RALGAPA2: variants seen among roughly 807,000 people sequenced by gnomAD.
The protein encoded by RALGAPA2 is ral GTPase-activating protein subunit alpha-2.
In RALGAPA2, 139 loss-of-function variants were observed where a neutral mutation model predicts 230.4. The observed-to-expected ratio is 0.60, with a 90% CI of 0.53 to 0.69. RALGAPA2 has a LOEUF of 0.69. RALGAPA2 is among the 30% of genes least tolerant of loss of function. RALGAPA2 has a pLI of 0.00. For synonymous variants in RALGAPA2, 847 were observed against 837.8 expected (o/e 1.01, Z -0.19); for missense variants, 2,163 against 2,276.0 (o/e 0.95, Z 1.01).
At chr20:20,429,170 T>C (rs1188452727) in intron 37 of RALGAPA2, among the ~76,000 whole-genome samples, 1 of 152,142 alleles carries the variant, frequency 6.6e-6, no homozygotes, top group Non-Finnish European at 1.5e-5. Flanking sequence ...GCAACAAAAG[T>C]GATGCTCTGA....
intron 37 of RALGAPA2, among the ~76,000 whole-genome samples, chr20:20,447,237 G>T (rs576573813): frequency 6.6e-6 from 1 of 152,176 alleles, no homozygotes; most frequent in Non-Finnish European, 1.5e-5. Context: ...CAAGCAATTC[G>T]AAAGTTTCCC....
chr20:20,645,692 T>G (rs955479179), intron 4 of RALGAPA2, among the ~76,000 whole-genome samples: 1 of 152,206 alleles, frequency 6.6e-6, no homozygotes, highest in Admixed American at 6.5e-5. Context: ...CAGTTATAAG[T>G]CAGATTCAGA....
At chr20:20,489,554 T>C (rs747909728) in intron 36 of RALGAPA2, among the ~76,000 whole-genome samples, 15 of 149,832 alleles carry the variant, frequency 1.0e-4, no homozygotes, top group Non-Finnish European at 2.1e-4. Context: ...GGAGTTGTAA[T>C]GAAAGTATTC....
chr20:20,479,434 AAT>A (rs2123455564), intron 36 of RALGAPA2, among the ~76,000 whole-genome samples: 1 of 152,346 alleles, frequency 6.6e-6, no homozygotes, highest in East Asian at 1.9e-4. Flanking sequence ...CAAAAATAAC[AAT>A]ATCATGACCA....
At chr20:20,634,386 A>C (rs962894435) in intron 9 of RALGAPA2, among the ~76,000 whole-genome samples, 7 of 152,164 alleles carry the variant, frequency 4.6e-5, no homozygotes, top group African/African-American at 1.4e-4. Flanking sequence ...TTTTAAACTA[A>C]GACATTTAAA....
At chr20:20,567,792 T>C (rs1044521494) in intron 23 of RALGAPA2, among the ~76,000 whole-genome samples, 6 of 150,768 alleles carry the variant, frequency 4.0e-5, no homozygotes, top group African/African-American at 1.2e-4. Flanking sequence ...CAGTGAGCTA[T>C]GATTGTGTCA....
chr20:20,642,341 G>A (rs973355407), intron 5 of RALGAPA2, among the ~76,000 whole-genome samples: 1 of 152,058 alleles, frequency 6.6e-6, no homozygotes, highest in African/African-American at 2.4e-5. Flanking sequence ...CTCCCGAGTA[G>A]CTGAGACTAT....
intron 2 of RALGAPA2, among the ~76,000 whole-genome samples, chr20:20,679,496 C>T (rs1182717274): frequency 6.6e-6 from 1 of 152,208 alleles, no homozygotes; most frequent in Non-Finnish European, 1.5e-5. Context: ...GTAACAAACA[C>T]TTTCAAGAGC....
At chr20:20,591,044 C>A in intron 17 of RALGAPA2, 133 bp downstream of exon 17, 1 of 1,084,522 alleles carries the variant, frequency 9.2e-7, no homozygotes. Flanking sequence ...TCACATCCTT[C>A]TAATCAAATT....
intron 37 of RALGAPA2, among the ~76,000 whole-genome samples, chr20:20,418,278 T>C (rs2060206315): frequency 6.6e-6 from 1 of 152,196 alleles, no homozygotes; most frequent in South Asian, 2.1e-4. Flanking sequence ...TCAGGGATTA[T>C]GAGAATTACA....
intron 1 of RALGAPA2, among the ~76,000 whole-genome samples, chr20:20,703,281 G>A (rs1277585051): frequency 1.3e-5 from 2 of 152,018 alleles, no homozygotes; most frequent in African/African-American, 4.8e-5. Context: ...TGAAAATTAA[G>A]GCTAAAACCC....
intron 2 of RALGAPA2, 57 bp from the exon 3 acceptor site, chr20:20,676,345 C>T: frequency 2.5e-6 from 3 of 1,195,142 alleles, no homozygotes; most frequent in Non-Finnish European, 3.6e-6. Context: ...CAGGACACTA[C>T]AAATTATGCT....
intron 37 of RALGAPA2, among the ~76,000 whole-genome samples, chr20:20,431,075 T>G (rs2060491806): frequency 6.6e-6 from 1 of 152,104 alleles, no homozygotes. Flanking sequence ...GTTGGGGGCT[T>G]TGTGGAGCGA....
chr20:20,579,866 T>C (rs1022194456), intron 20 of RALGAPA2, among the ~76,000 whole-genome samples: 2 of 152,176 alleles, frequency 1.3e-5, no homozygotes, highest in Non-Finnish European at 1.5e-5. Flanking sequence ...TCATATATCA[T>C]GATTCCATGT....
intron 36 of RALGAPA2, among the ~76,000 whole-genome samples, chr20:20,488,377 G>A (rs891767902): frequency 6.6e-6 from 1 of 152,172 alleles, no homozygotes; most frequent in Admixed American, 6.5e-5. Flanking sequence ...TCTCAGATTT[G>A]CCCACACTAA....
chr20:20,541,055 G>GC (rs1263646303), intron 24 of RALGAPA2, among the ~76,000 whole-genome samples: 1 of 75,318 alleles, frequency 1.3e-5, no homozygotes, highest in African/African-American at 5.4e-5. Context: ...AAAGTCAGGA[G>GC]AATTTTTTTT....
At chr20:20,577,262 A>C (rs1033471686) in intron 20 of RALGAPA2, among the ~76,000 whole-genome samples, 2 of 152,172 alleles carry the variant, frequency 1.3e-5, no homozygotes, top group African/African-American at 2.4e-5. Context: ...CAAGAAAAAA[A>C]TGAAACTGAA....
chr20:20,622,588 T>A (rs141393715), intron 10 of RALGAPA2, among the ~76,000 whole-genome samples: 187 of 152,264 alleles, frequency 1.2e-3, no homozygotes, highest in African/African-American at 4.2e-3. Flanking sequence ...AATTTAGAAT[T>A]TGACACCCAG....
intron 6 of RALGAPA2, among the ~76,000 whole-genome samples, chr20:20,640,397 C>T (rs1478492551): frequency 1.3e-5 from 2 of 152,188 alleles, no homozygotes; most frequent in Admixed American, 6.5e-5. Flanking sequence ...AGTTTAATCT[C>T]ATTAACAGCC....
Sources: gnomAD v4.1 joint callset for allele counts (sites outside exome capture counted in the v4.1 genomes callset) on GRCh38, gnomAD v4.1.1 for gene constraint, MANE v1.5 for transcripts, NCBI Gene and HGNC (gene_info 2026-07-23, HGNC 2026-07-21) for gene names.